TEX22: variants seen among roughly 807,000 people sequenced by gnomAD.
The protein encoded by TEX22 is testis-expressed protein 22.
TEX22 carries 16 observed loss-of-function variants against 11.3 expected under a neutral mutation model. That is an observed-to-expected ratio of 1.42 (90% CI 0.96 to 2.15). The LOEUF (loss-of-function observed/expected upper bound fraction) is 2.15. Among genes scored for constraint, TEX22 ranks in the 30% most tolerant of loss-of-function variants. The pLI is 0.00. For missense variants in TEX22, 220 were observed against 208.6 expected (o/e 1.05, Z -0.34); for synonymous variants, 97 against 92.3 (o/e 1.05, Z -0.29).
chr14:105,405,289 CAA>C (rs201375056), intron 2 of TEX22, among the ~76,000 whole-genome samples: 7 of 136,224 alleles, frequency 5.1e-5, no homozygotes, highest in Non-Finnish European at 6.4e-5. Context: ...GACCTTGACT[CAA>C]AAAAAAAAAA....
intron 2 of TEX22, among the ~76,000 whole-genome samples, chr14:105,407,834 A>G (rs2081666086): frequency 7.0e-6 from 1 of 141,956 alleles, no homozygotes. Flanking sequence ...ACCCTGTGTT[A>G]TGGGGGTCTG....
chr14:105,402,763 A>T (rs1296636122), intron 2 of TEX22, among the ~76,000 whole-genome samples: 2 of 152,088 alleles, frequency 1.3e-5, no homozygotes, highest in Admixed American at 6.5e-5. Flanking sequence ...CTCAAAAAAA[A>T]AAAAAAAAAA....
In TEX22 at chr14:105,398,654, C is replaced by G. The variant is rs1271954721; in HGVS notation, c.-40+19C>G. On this transcript the variant is annotated intron_variant, in intron 1 of 3. Coordinates refer to ENST00000451127, the MANE Select transcript of TEX22 (RefSeq NM_001195082.2). ...GCGGCGGGTCTGTCCCTCCTTCTGT[C>G]TCCGGGTGCCCACGTACCCCCCACC... The G allele has an allele frequency of 1.3e-5, 2 of 152,428 alleles. No homozygotes were observed. Among genetic ancestry groups the G allele is most frequent in the Admixed American group, 1.3e-4 (2 of 15,286 alleles). 9.4% of individuals were successfully genotyped at this position (152,428 alleles called of 1,614,324 possible). A position where few individuals can be genotyped will look rare whatever the true frequency, so the allele number is the denominator to read the frequency against.
At chr14:105,404,005 CA>C (rs2081646100) in intron 2 of TEX22, among the ~76,000 whole-genome samples, 1 of 152,222 alleles carries the variant, frequency 6.6e-6, no homozygotes, top group Admixed American at 6.5e-5. Flanking sequence ...CAAATTTCCC[CA>C]GAGCTTAGCA....
intron 2 of TEX22, among the ~76,000 whole-genome samples, chr14:105,403,730 C>G (rs2081644492): frequency 6.6e-6 from 1 of 152,190 alleles, no homozygotes; most frequent in South Asian, 2.1e-4. Context: ...CCAGATTTAA[C>G]GTTTTAAACA....
At chr14:105,408,773 C>G (rs1264993824) in intron 2 of TEX22, among the ~76,000 whole-genome samples, 1 of 152,132 alleles carries the variant, frequency 6.6e-6, no homozygotes, top group African/African-American at 2.4e-5. Context: ...CATGCCCCAC[C>G]GCAGAGACGA....
Position 105,411,738 on chromosome 14 carries a change from A to T in TEX22, c.358A>T (p.Thr120Ser), listed in dbSNP as rs1457013617. Residue 120 changes from threonine (T) to serine (S), a missense_variant, in exon 4 of 4, where the codon ACC becomes TCC. By Grantham distance (58) the Thr-to-Ser change is moderately conservative. Coordinates refer to ENST00000451127, the MANE Select transcript of TEX22 (RefSeq NM_001195082.2). ...DVLLPHPLRS[T>S]ESTNAFQAFL... ...GCTCCTTCCCCACCCGCTGAGGTCCACCGAGTCCACCAACGCCTTCCAGGC... is the reference window on the plus strand; with the variant it reads ...GCTCCTTCCCCACCCGCTGAGGTCCTCCGAGTCCACCAACGCCTTCCAGGC... 6.6e-7 allele frequency: 1 copy of T among 1,520,368 alleles called. No individual in the cohort carries two copies. The highest frequency in any genetic ancestry group is 8.8e-7 in the Non-Finnish European group (1 of 1,138,838). The allele number at this position is 1,520,368 out of a possible 1,614,324, so 94.2% of individuals were successfully genotyped here.
intron 2 of TEX22, among the ~76,000 whole-genome samples, chr14:105,401,706 C>T (rs1257501805): frequency 6.6e-6 from 1 of 151,940 alleles, no homozygotes; most frequent in Non-Finnish European, 1.5e-5. Flanking sequence ...ATGTTGTGCA[C>T]ATGTACCCTA....
chr14:105,402,352 A>G lies in TEX22; in HGVS notation c.150+2862A>G, dbSNP rs188704325. On this transcript the variant is annotated intron_variant, in intron 2 of 3. Transcript: ENST00000451127. Reference sequence around the variant, plus strand: ...AGTACAGATAAAAGAGGGAGTTTGGATATGTGATCACCATTCACAACTTTT... The same window carrying G: ...AGTACAGATAAAAGAGGGAGTTTGGGTATGTGATCACCATTCACAACTTTT... Among the ~76,000 whole-genome samples the G allele has an allele frequency of 3.5e-3, 540 of 152,318 alleles. 2 individuals carry two copies. Among genetic ancestry groups the G allele is most frequent in the South Asian group, 0.02 (95 of 4,826 alleles).
At chr14:105,402,207 T>C (rs894903018) in intron 2 of TEX22, among the ~76,000 whole-genome samples, 2 of 152,030 alleles carry the variant, frequency 1.3e-5, no homozygotes, top group Non-Finnish European at 2.9e-5. Flanking sequence ...AACAGTATTC[T>C]GGAAACCGAA....
rs2081691245 is a variant in TEX22 at position 105,411,516 on chromosome 14, TCCCCGC to T, written c.279+24_279+29del. The stretch of plus-strand genomic sequence containing the variant: ...TGCAGGGTGCGCGGGGGGCGGGTCC[TCCCCGC>T]CCCGTCCCCGCCCCGCCCCGCCCCT... On this transcript the variant is annotated intron_variant, in intron 3 of 3. Transcript: ENST00000451127. 2 of 1,068,686 alleles carry T rather than the reference TCCCCGC, an allele frequency of 1.9e-6. No individual in the cohort carries two copies. Among genetic ancestry groups the T allele is most frequent in the Non-Finnish European group, 2.3e-6 (2 of 869,822 alleles). 66.2% of individuals were successfully genotyped at this position (1,068,686 alleles called of 1,614,324 possible). A position where few individuals can be genotyped will look rare whatever the true frequency, so the allele number is the denominator to read the frequency against.
rs149825832 is a variant in TEX22 at position 105,405,124 on chromosome 14, T to C, written c.150+5634T>C. Among the ~76,000 whole-genome samples the C allele has an allele frequency of 6.6e-3, 1,003 of 151,996 alleles. 17 individuals are homozygous for C. Among genetic ancestry groups the C allele is most frequent in the African/African-American group, 0.023 (939 of 41,464 alleles). On this transcript the variant is annotated intron_variant, in intron 2 of 3. Transcript: ENST00000451127. ...GCAACATGGCAAAACCCCATCTCTA[T>C]AAAAAAATCACAAAAAGTTAGCCAG...
chr14:105,402,925 G>A (rs868927452), intron 2 of TEX22, among the ~76,000 whole-genome samples: 1 of 152,148 alleles, frequency 6.6e-6, no homozygotes, highest in African/African-American at 2.4e-5. Flanking sequence ...CACCAGGCTG[G>A]AGTACAGTGG....
At position 105,413,275 on chromosome 14, in the gene TEX22, A is replaced by T. The variant is rs1309671000; in HGVS notation, c.*1442A>T. Reference sequence around the variant, plus strand: ...AGGGTGTGGGGAGTTTTGGGTCATGACCCACCCCCTCTGAGGCCCCTGATG... The same window carrying T: ...AGGGTGTGGGGAGTTTTGGGTCATGTCCCACCCCCTCTGAGGCCCCTGATG... On this transcript the variant is annotated 3_prime_UTR_variant, in exon 4 of 4. Coordinates refer to ENST00000451127, the MANE Select transcript of TEX22 (RefSeq NM_001195082.2). The surrounding 1 kb of genome is among the most constrained non-coding windows in gnomAD (Gnocchi z 4.2). 1 of 152,078 alleles carries T rather than the reference A, an allele frequency of 6.6e-6. No individual in the cohort carries two copies. The highest frequency in any genetic ancestry group is 1.5e-5 in the Non-Finnish European group (1 of 68,200). 9.4% of individuals were successfully genotyped at this position (152,078 alleles called of 1,614,324 possible).
In TEX22 at chr14:105,403,306, T is replaced by TG. The variant is rs1203330347; in HGVS notation, c.150+3819dup. ...TGAAAGCATATATTATTGTGGGTGT[T>TG]GGGACATCTGAACTTCCTTTTCTAT... On this transcript the variant is annotated intron_variant, in intron 2 of 3. Coordinates refer to ENST00000451127, the MANE Select transcript of TEX22 (RefSeq NM_001195082.2). 2.6e-5 allele frequency among the ~76,000 whole-genome samples: 4 copies of TG among 152,220 alleles called. No homozygotes were observed. The East Asian group carries it at 7.7e-4, about 29-fold the overall frequency.
Position 105,409,899 on chromosome 14 carries a change from C to G in TEX22, c.151-1469C>G, listed in dbSNP as rs1353137224. On this transcript the variant is annotated intron_variant, in intron 2 of 3. Transcript: ENST00000451127. ...TCAAGCAATCTCTGCCTCAGCCTCC[C>G]CAGTAGCAAGGACTACAGGCATGTG... Among the ~76,000 whole-genome samples the G allele has an allele frequency of 2.0e-5, 3 of 151,928 alleles. 1 individual carries two copies. In the South Asian group the frequency reaches 6.2e-4, roughly 32 times the overall value.
At chr14:105,402,502 C>T (rs587706186) in intron 2 of TEX22, among the ~76,000 whole-genome samples, 7 of 152,082 alleles carry the variant, frequency 4.6e-5, no homozygotes, top group Non-Finnish European at 8.8e-5. Flanking sequence ...CGCCTGTAAT[C>T]CCAGCACTTT....
In TEX22 at chr14:105,412,669, G is replaced by A. The variant is rs2081701938; in HGVS notation, c.*836G>A. On this transcript the variant is annotated 3_prime_UTR_variant, in exon 4 of 4. Transcript: ENST00000451127. This position sits in a 1 kb window ranked among gnomAD's most constrained non-coding sequence, Gnocchi z 5.8. ...GACTGGATTGGGAGGCGGGGCAGGA[G>A]AGCTGTGAGCATGGGTTCCCAGCCC... 6.6e-6 allele frequency: 1 copy of A among 150,630 alleles called. No homozygotes were observed. Among genetic ancestry groups the A allele is most frequent in the African/African-American group, 2.4e-5 (1 of 40,970 alleles). The allele number at this position is 150,630 out of a possible 1,614,324, so 9.3% of individuals were successfully genotyped here.
At chr14:105,409,241 TCTC>T (rs2141361685) in intron 2 of TEX22, among the ~76,000 whole-genome samples, 1 of 152,076 alleles carries the variant, frequency 6.6e-6, no homozygotes, top group East Asian at 1.9e-4. Flanking sequence ...CCCAGCTTGT[TCTC>T]CTTGGTTTAT....
Sources: allele counts gnomAD v4.1 joint callset (sites outside exome capture counted in the v4.1 genomes callset), GRCh38; gene constraint gnomAD v4.1.1; non-coding constraint Gnocchi (gnomAD v3.1); transcripts MANE v1.5; gene names NCBI Gene and HGNC (gene_info 2026-07-23, HGNC 2026-07-21).